Variants in ZNF362 observed in about 807,000 individuals in gnomAD.
ZNF362 encodes rotund homolog.
A neutral mutation model predicts 42.9 loss-of-function variants in ZNF362; 11 were observed. The observed-to-expected ratio is 0.26, with a 90% CI of 0.16 to 0.42. ZNF362 has a LOEUF of 0.42. ZNF362 is among the 20% of genes least tolerant of loss of function. The pLI is 1.00. For missense variants in ZNF362, 362 were observed against 576.2 expected (o/e 0.63, Z 3.81); for synonymous variants, 255 against 257.3 (o/e 0.99, Z 0.09).
At chr1:33,285,405 C>T (rs1646024963) in intron 6 of ZNF362, among the ~76,000 whole-genome samples, 1 of 152,118 alleles carries the variant, frequency 6.6e-6, no homozygotes, top group Admixed American at 6.5e-5. Flanking sequence ...CAGAGCAAGA[C>T]CCCATCTCAC....
the ZNF362 span, among the ~76,000 whole-genome samples, chr1:33,159,382 C>T: frequency 1.3e-5 from 2 of 151,960 alleles, no homozygotes; most frequent in Non-Finnish European, 2.9e-5. This position sits in a 1 kb window ranked among gnomAD's most constrained non-coding sequence, Gnocchi z 4.2. Context: ...TATATGAAGT[C>T]TTTATTCCCA....
chr1:33,280,355 G>T lies in ZNF362; in HGVS notation c.581G>T (p.Arg194Leu). The T allele has an allele frequency of 1.2e-6, 2 of 1,613,954 alleles. No homozygotes were observed. Among genetic ancestry groups the T allele is most frequent in the Non-Finnish European group, 8.5e-7 (1 of 1,179,932 alleles). ...LLGPPKSERGRKKIKAENPGG... is the reference protein window; with the variant it reads ...LLGPPKSERGLKKIKAENPGG... Reference sequence around the variant, plus strand: ...GGCCCCCCCAAGTCCGAACGCGGCCGCAAAAAGATCAAGGCGGAGAACCCG... The same window carrying T: ...GGCCCCCCCAAGTCCGAACGCGGCCTCAAAAAGATCAAGGCGGAGAACCCG... Residue 194 changes from arginine (R) to leucine (L), a missense_variant, in exon 5 of 9, where the codon CGC (arginine) becomes CTC (leucine). By Grantham distance (102) the Arg-to-Leu change is moderately radical. Coordinates refer to ENST00000539719, the MANE Select transcript of ZNF362 (RefSeq NM_152493.3). The surrounding 1 kb of genome is among the most constrained non-coding windows in gnomAD (Gnocchi z 5.6).
At chr1:33,252,387 C>T (rs1240076942), upstream of ZNF362, among the ~76,000 whole-genome samples, 1 of 65,136 alleles carries the variant, frequency 1.5e-5, no homozygotes, top group Non-Finnish European at 4.1e-5. Context: ...ACAACAACAA[C>T]CAGAAAAACC....
At chr1:33,218,978 C>CACACACACACACACACACACAT in the ZNF362 span, among the ~76,000 whole-genome samples, 14 of 134,442 alleles carry the variant, frequency 1.0e-4, 1 homozygote, top group East Asian at 4.5e-4. Context: ...CACACACACA[C>CACACACACACACACACACACAT]ACATACACCA....
At chr1:33,136,114 C>CCTTCCTTCCTTG in the ZNF362 span, among the ~76,000 whole-genome samples, 585 of 15,420 alleles carry the variant, frequency 0.038, 8 homozygotes, top group African/African-American at 0.13. Context: ...AGGGGCCAGC[C>CCTTCCTTCCTTG]CTTCCTTCCT....
chr1:33,152,052 A>T, the ZNF362 span, among the ~76,000 whole-genome samples: 1 of 152,222 alleles, frequency 6.6e-6, no homozygotes, highest in Non-Finnish European at 1.5e-5. Context: ...GTGCAAAAAC[A>T]TTCTCACACT....
At chr1:33,154,603 C>T in the ZNF362 span, among the ~76,000 whole-genome samples, 1,713 of 146,972 alleles carry the variant, frequency 0.012, 34 homozygotes, top group African/African-American at 0.041. Flanking sequence ...TTCAAGACCA[C>T]CCTGGCCAAC....
chr1:33,293,080 G>C (rs1646091173), intron 6 of ZNF362, among the ~76,000 whole-genome samples: 1 of 152,238 alleles, frequency 6.6e-6, no homozygotes, highest in Non-Finnish European at 1.5e-5. Context: ...AAGTGTGGGA[G>C]GCCTTGAGAG....
rs762647631 is a variant in ZNF362 at position 33,295,179 on chromosome 1, C to T, written c.1020C>T (p.Pro340=). 1 of 1,614,184 alleles carries T rather than the reference C, an allele frequency of 6.2e-7. No homozygotes were observed. Among genetic ancestry groups the T allele is most frequent in the South Asian group, 1.1e-5 (1 of 91,086 alleles). The change falls in exon 8 of 9, where the codon CCC becomes CCT. Residue 340 remains proline, a synonymous_variant. Transcript: ENST00000539719. ...AGCGCCAGCACAACAAGGACAAGCC[C>T]TACAAGTGTCCCAACTGCTACCGGG... ...SHQRQHNKDK[P]YKCPNCYRAY...
the ZNF362 span, among the ~76,000 whole-genome samples, chr1:33,174,685 A>G: frequency 2.1e-4 from 32 of 152,172 alleles, no homozygotes; most frequent in South Asian, 6.6e-3. Flanking sequence ...CTCTGTCCAT[A>G]ACATCTTTCT....
chr1:33,178,925 C>T, the ZNF362 span, among the ~76,000 whole-genome samples: 5 of 152,338 alleles, frequency 3.3e-5, no homozygotes, highest in South Asian at 1.0e-3. Flanking sequence ...GGTTTGCAGA[C>T]AGGAGAACCA....
chr1:33,211,396 A>C, the ZNF362 span, among the ~76,000 whole-genome samples: 729 of 152,240 alleles, frequency 4.8e-3, 16 homozygotes, highest in Admixed American at 0.014. Flanking sequence ...GTCCATGTTT[A>C]GTGCTTCCTT....
At chr1:33,256,381 G>C (rs1001422360), upstream of ZNF362, among the ~76,000 whole-genome samples, 1 of 143,058 alleles carries the variant, frequency 7.0e-6, no homozygotes, top group African/African-American at 2.5e-5. Context: ...CGGCCCCCCC[G>C]GAGCCGGGCG....
At chr1:33,180,072 T>C in the ZNF362 span, among the ~76,000 whole-genome samples, 11 of 147,332 alleles carry the variant, frequency 7.5e-5, no homozygotes, top group East Asian at 8.0e-4. Flanking sequence ...TCAATAAAAG[T>C]TGAGTAGGAG....
chr1:33,207,464 C>A, the ZNF362 span, among the ~76,000 whole-genome samples: 1 of 152,154 alleles, frequency 6.6e-6, no homozygotes, highest in South Asian at 2.1e-4. Flanking sequence ...GGGTATATAC[C>A]CACTAATGAG....
chr1:33,189,659 A>ATATATATATATATATATG, the ZNF362 span, among the ~76,000 whole-genome samples: 1 of 24,020 alleles, frequency 4.2e-5, no homozygotes, highest in African/African-American at 9.5e-5. Context: ...ATATATATAT[A>ATATATATATATATATATG]TATATATATA....
Position 33,280,237 on chromosome 1 carries a change from C to T in ZNF362, c.463C>T (p.Arg155Cys). Residue 155 changes from arginine (R) to cysteine (C), a missense_variant, in exon 5 of 9, where the codon CGC becomes TGC. By Grantham distance (180) the Arg-to-Cys change is radical (BLOSUM62 -3). This residue lies in a region of ZNF362 where 266 missense variants were observed against 365.4 expected (regional missense o/e 0.73). Coordinates refer to ENST00000539719, the MANE Select transcript of ZNF362 (RefSeq NM_152493.3). This position sits in a 1 kb window ranked among gnomAD's most constrained non-coding sequence, Gnocchi z 5.6. ...PSTPTTTSQSRLIASSPTLIS... is the reference protein window; with the variant it reads ...PSTPTTTSQSCLIASSPTLIS... ...CACACCCACCACCACCAGCCAGAGCCGCCTCATCGCCTCGTCCCCCACCCT... is the reference window on the plus strand; with the variant it reads ...CACACCCACCACCACCAGCCAGAGCTGCCTCATCGCCTCGTCCCCCACCCT... 2 of 1,614,052 alleles carry T rather than the reference C, an allele frequency of 1.2e-6. No homozygotes were observed. The highest frequency in any genetic ancestry group is 1.7e-6 in the Non-Finnish European group (2 of 1,179,946).
At chr1:33,180,989 G>GC in the ZNF362 span, 1 of 1,475,216 alleles carries the variant, frequency 6.8e-7, no homozygotes, top group East Asian at 2.6e-5. Context: ...CTCCAGCCCG[G>GC]CCCCGCCCCT....
At chr1:33,167,923 C>A in the ZNF362 span, among the ~76,000 whole-genome samples, 6 of 152,316 alleles carry the variant, frequency 3.9e-5, no homozygotes, top group African/African-American at 1.2e-4. This position sits in a 1 kb window ranked among gnomAD's most constrained non-coding sequence, Gnocchi z 4.2. Context: ...ACTGTTGAGG[C>A]ACTGGGATTA....
Sources: gnomAD v4.1 joint callset for allele counts (sites outside exome capture counted in the v4.1 genomes callset) on GRCh38, gnomAD v4.1.1 for gene constraint, gnomAD v4.1.1 regional missense constraint, Gnocchi (gnomAD v3.1) non-coding constraint, MANE v1.5 for transcripts, NCBI Gene and HGNC (gene_info 2026-07-23, HGNC 2026-07-21) for gene names.